The following DEF8 variants were observed in gnomAD, a reference collection of about 807,000 sequenced individuals.
The protein encoded by DEF8 is differentially expressed in FDCP 8 homolog, also known as DEF-8.
A neutral mutation model predicts 59.1 loss-of-function variants in DEF8; 38 were observed. That is an observed-to-expected ratio of 0.64 (90% confidence interval 0.50 to 0.84). The LOEUF (loss-of-function observed/expected upper bound fraction) is 0.84. Among genes scored for constraint, DEF8 ranks in the 40% least tolerant of loss-of-function variants. The probability of loss-of-function intolerance (pLI) is 0.00; values close to 1 mark genes in which losing one functional copy is unlikely to be tolerated. For missense variants in DEF8, 557 were observed against 615.2 expected, an observed-to-expected ratio of 0.91 and a Z score of 1.00; for synonymous variants, 265 against 250.1, an observed-to-expected ratio of 1.06 and a Z score of -0.56.
At position 89,962,051 on chromosome 16, in the gene DEF8, T is replaced by G. The variant is rs777535798; in HGVS notation, c.847T>G (p.Ser283Ala). Residue 283 changes from serine to alanine, a missense_variant, in exon 9 of 13, where the codon TCT becomes GCT. Coordinates refer to ENST00000563594, the MANE Select transcript of DEF8 (RefSeq NM_001242818.2). ...CSMRYLALMV[S>A]RPVLRLREIN... ...CATGCGCTACCTGGCGCTGATGGTGTCTCGGCCCGTACTCAGGCTCCGGGA... is the reference window on the plus strand; with the variant it reads ...CATGCGCTACCTGGCGCTGATGGTGGCTCGGCCCGTACTCAGGCTCCGGGA... The G allele has an allele frequency of 1.2e-6, 2 of 1,614,098 alleles. No homozygotes were observed. Among genetic ancestry groups the G allele is most frequent in the South Asian group, 2.2e-5 (2 of 91,088 alleles).
intron 7 of DEF8, 108 bp downstream of exon 7, chr16:89,961,203 G>T: frequency 2.2e-6 from 3 of 1,389,202 alleles, no homozygotes; most frequent in Non-Finnish European, 2.0e-6. Context: ...GAGGCCCTGG[G>T]GCAGTGCCTG....
At position 89,954,308 on chromosome 16, in the gene DEF8, A is replaced by G; in HGVS notation, c.56A>G (p.Asn19Ser). Reference sequence around the variant, plus strand: ...CGGCAGGCCCACCTCAACCCCTTCAACAAGCAGTCTGGGCCGAGACAGCAT... The same window carrying G: ...CGGCAGGCCCACCTCAACCCCTTCAGCAAGCAGTCTGGGCCGAGACAGCAT... ...RFRQAHLNPFNKQSGPRQHEQ... is the reference protein window; with the variant it reads ...RFRQAHLNPFSKQSGPRQHEQ... The change falls in exon 3 of 13, where the codon AAC becomes AGC. Residue 19 changes from asparagine (N) to serine (S), a missense_variant. Coordinates refer to ENST00000563594, the MANE Select transcript of DEF8 (RefSeq NM_001242818.2). This position sits in a 1 kb window ranked among gnomAD's most constrained non-coding sequence, Gnocchi z 4.3. 1 of 1,613,668 alleles carries G rather than the reference A, an allele frequency of 6.2e-7. No homozygotes were observed. Among genetic ancestry groups the G allele is most frequent in the Non-Finnish European group, 8.5e-7 (1 of 1,179,908 alleles).
In DEF8 at chr16:89,954,403, G is replaced by C. The variant is rs750725458; in HGVS notation, c.124+27G>C. 6 of 1,609,528 alleles carry C rather than the reference G, an allele frequency of 3.7e-6. No homozygotes were observed. The highest frequency in any genetic ancestry group is 1.1e-5 in the South Asian group (1 of 90,594). On this transcript the variant is annotated intron_variant, in intron 3 of 12. Transcript: ENST00000563594. This position sits in a 1 kb window ranked among gnomAD's most constrained non-coding sequence, Gnocchi z 4.3. ...TGGGTGCTGGTGGGAGTCAGGGTGG[G>C]AGCTGGGCAGGTCTCTGACTGCTTA...
At chr16:89,956,846 G>A (rs2033282217) in intron 4 of DEF8, 1 of 152,140 alleles carries the variant, frequency 6.6e-6, no homozygotes, top group Non-Finnish European at 1.5e-5. Context: ...ACTTCCTTTG[G>A]GCCACAGGCT....
intron 4 of DEF8, 45 bp downstream of exon 4, chr16:89,955,311 C>T: frequency 6.5e-7 from 1 of 1,548,476 alleles, no homozygotes; most frequent in Non-Finnish European, 8.9e-7. Context: ...AGGGAACCCC[C>T]AAGGCAGGAA....
rs577381730 is a variant in DEF8, at chr16:89,954,712, G to T, written c.124+336G>T. 2.2e-4 allele frequency among the ~76,000 whole-genome samples: 33 copies of T among 152,214 alleles called. No homozygotes were observed. Among genetic ancestry groups the T allele is most frequent in the Non-Finnish European group, 4.4e-4 (30 of 68,042 alleles). On this transcript the variant is annotated intron_variant, in intron 3 of 12. Transcript: ENST00000563594. This position sits in a 1 kb window ranked among gnomAD's most constrained non-coding sequence, Gnocchi z 4.3. Reference sequence around the variant, plus strand: ...TTAGCCGAGGGAACGTGCTCTGGGCGTCAGGGTGGCATGAGCTTTAGAAAC... The same window carrying T: ...TTAGCCGAGGGAACGTGCTCTGGGCTTCAGGGTGGCATGAGCTTTAGAAAC...
At chr16:89,950,894 C>T (rs2031918454) in intron 2 of DEF8, among the ~76,000 whole-genome samples, 1 of 152,092 alleles carries the variant, frequency 6.6e-6, no homozygotes, top group South Asian at 2.1e-4. Context: ...TATGGGAGGA[C>T]CCCTTCAGCC....
chr16:89,958,836 C>G (rs1358765674), intron 5 of DEF8, among the ~76,000 whole-genome samples, 178 bp from the exon 6 acceptor site: 1 of 152,232 alleles, frequency 6.6e-6, no homozygotes, highest in Non-Finnish European at 1.5e-5. Flanking sequence ...CTTGGCGGTC[C>G]TTGTCCAGCT....
rs2151198485 is a variant in DEF8 at position 89,960,993 on chromosome 16, A to G, written c.577A>G (p.Lys193Glu). The G allele has an allele frequency of 1.2e-6, 2 of 1,614,146 alleles. No individual in the cohort carries two copies. Among genetic ancestry groups the G allele is most frequent in the South Asian group, 2.2e-5 (2 of 91,084 alleles). The change falls in exon 7 of 13, where the codon AAA becomes GAA. Residue 193 changes from lysine to glutamate, a missense_variant. Transcript: ENST00000563594. ...CATCTCCAAGCCCTGTGTGAGCTCC[A>G]AAGTCAGCCACCAAGCTGAATACGA... ...NLISKPCVSSKVSHQAEYELN... is the reference protein window; with the variant it reads ...NLISKPCVSSEVSHQAEYELN...
At chr16:89,949,334 C>G in intron 1 of DEF8, 83 bp from the exon 2 acceptor site, 3 of 1,167,454 alleles carry the variant, frequency 2.6e-6, no homozygotes, top group Non-Finnish European at 3.6e-6. Context: ...GAGACCTGCC[C>G]CCGAGGAGCC....
Position 89,961,769 on chromosome 16 carries a change from T to G in DEF8, c.712T>G (p.Tyr238Asp), listed in dbSNP as rs779876019. Residue 238 changes from tyrosine (Y) to aspartate (D), a missense_variant, in exon 8 of 13, where the codon TAC becomes GAC. Physicochemically the swap from Tyr to Asp is radical, Grantham distance 160 (BLOSUM62 -3). Coordinates refer to ENST00000563594, the MANE Select transcript of DEF8 (RefSeq NM_001242818.2). ...GVPSEARQCDYTGQYYCSHCH... is the reference protein window; with the variant it reads ...GVPSEARQCDDTGQYYCSHCH... ...GCCCAGTGAGGCCAGGCAGTGCGAC[T>G]ACACCGGCCAGTACTACTGCAGCCA... The G allele has an allele frequency of 6.2e-7, 1 of 1,613,530 alleles. No individual in the cohort carries two copies. Among genetic ancestry groups the G allele is most frequent in the Admixed American group, 1.7e-5 (1 of 59,990 alleles).
At chr16:89,961,712 A>G (rs1179887872) in intron 7 of DEF8, 25 bp from the exon 8 acceptor site, 3 of 1,611,592 alleles carry the variant, frequency 1.9e-6, no homozygotes, top group East Asian at 4.5e-5. Context: ...AGGCAGGGAC[A>G]CTCAGGGCCC....
Position 89,957,574 on chromosome 16 carries a change from A to C in DEF8, c.286A>C (p.Ile96Leu). The stretch of plus-strand genomic sequence containing the variant: ...GGCGATCGAGGAGTGCAAGCAGGTG[A>C]TTCTGGAGCTGCCCGAGCAGTCGGA... Reference protein sequence around the residue: ...RQAIEECKQVILELPEQSEKQ... With the variant: ...RQAIEECKQVLLELPEQSEKQ... Residue 96 changes from isoleucine to leucine, a missense_variant, in exon 5 of 13, where the codon ATT becomes CTT. By Grantham distance (5) the Ile-to-Leu change is conservative. Coordinates refer to ENST00000563594, the MANE Select transcript of DEF8 (RefSeq NM_001242818.2). 1.3e-6 allele frequency: 2 copies of C among 1,591,272 alleles called. No individual in the cohort carries two copies. Among genetic ancestry groups the C allele is most frequent in the Non-Finnish European group, 1.7e-6 (2 of 1,169,482 alleles).
intron 12 of DEF8, among the ~76,000 whole-genome samples, chr16:89,965,285 C>T (rs1267454113): frequency 6.6e-6 from 1 of 152,140 alleles, no homozygotes; most frequent in African/African-American, 2.4e-5. Context: ...GGACACTCCC[C>T]CCCAGTTTCT....
At chr16:89,965,286 C>T (rs188721972) in intron 12 of DEF8, among the ~76,000 whole-genome samples, 63 of 152,256 alleles carry the variant, frequency 4.1e-4, no homozygotes, top group Admixed American at 2.4e-3. Context: ...GACACTCCCC[C>T]CCAGTTTCTG....
At chr16:89,959,209 C>CT in intron 6 of DEF8, 54 bp downstream of exon 6, 1 of 1,609,770 alleles carries the variant, frequency 6.2e-7, no homozygotes, top group Non-Finnish European at 8.5e-7. Flanking sequence ...AAGTTCCTGC[C>CT]TCCGCTGGGC....
At chr16:89,960,828 C>G in intron 6 of DEF8, 103 bp from the exon 7 acceptor site, 2 of 1,225,734 alleles carry the variant, frequency 1.6e-6, no homozygotes, top group Non-Finnish European at 2.3e-6. Flanking sequence ...TTGATCTGGG[C>G]CTCAGAGTGG....
chr16:89,954,162 C>T lies in DEF8; in HGVS notation c.-10-81C>T. 7.2e-6 allele frequency: 11 copies of T among 1,526,892 alleles called. No homozygotes were observed. Among genetic ancestry groups the T allele is most frequent in the Non-Finnish European group, 9.8e-6 (11 of 1,120,658 alleles). 94.6% of individuals were successfully genotyped at this position (1,526,892 alleles called of 1,614,324 possible). ...AAAGAGGCCAGCCTCACCCCAGACA[C>T]CCCAGTGTGGTTGGGGAAAGGGGGT... On this transcript the variant is annotated intron_variant, in intron 2 of 12. Transcript: ENST00000563594. This position sits in a 1 kb window ranked among gnomAD's most constrained non-coding sequence, Gnocchi z 4.3.
rs2032356714 is a variant in DEF8, at chr16:89,952,528, T to A, written c.-10-1715T>A. ...CTGCTGGGGAGGCTGGGAAATTATG[T>A]GACAAACAAAAATGAGGCTCCTCAT... On this transcript the variant is annotated intron_variant, in intron 2 of 12. Transcript: ENST00000563594. 3.3e-5 allele frequency: 5 copies of A among 152,360 alleles called. No individual in the cohort carries two copies. In the South Asian group the frequency reaches 1.0e-3, roughly 32 times the overall value. 9.4% of individuals were successfully genotyped at this position (152,360 alleles called of 1,614,324 possible).
Sources: allele counts gnomAD v4.1 joint callset (sites outside exome capture counted in the v4.1 genomes callset), GRCh38; gene constraint gnomAD v4.1.1; non-coding constraint Gnocchi (gnomAD v3.1); transcripts MANE v1.5; gene names NCBI Gene and HGNC (gene_info 2026-07-23, HGNC 2026-07-21).